The following AUTS2 variants were observed in gnomAD, a reference collection of about 807,000 sequenced individuals.
AUTS2 encodes the protein activator of transcription and developmental regulator AUTS2.
Under a neutral mutation model 112.4 loss-of-function variants are expected in AUTS2, and 17 were observed. That is an observed-to-expected ratio of 0.15 (90% confidence interval 0.10 to 0.23). AUTS2 has a LOEUF of 0.23. AUTS2 is among the 10% of genes least tolerant of loss of function. AUTS2 has a pLI of 1.00. For synonymous variants in AUTS2, 751 were observed against 702.7 expected, an observed-to-expected ratio of 1.07 and a Z score of -1.09; for missense variants, 1,510 against 1,701.6, an observed-to-expected ratio of 0.89 and a Z score of 1.98.
chr7:69,773,308 C>T (rs895817003), intron 1 of AUTS2, among the ~76,000 whole-genome samples: 1 of 151,966 alleles, frequency 6.6e-6, no homozygotes, highest in African/African-American at 2.4e-5. Flanking sequence ...CACTCAAGGC[C>T]GTTCATTCAA....
intron 2 of AUTS2, among the ~76,000 whole-genome samples, chr7:69,911,115 C>T (rs1444762856): frequency 1.3e-5 from 2 of 152,212 alleles, no homozygotes; most frequent in African/African-American, 2.4e-5. Context: ...AGTGAGTGAG[C>T]CTGGGGTATG....
intron 5 of AUTS2, among the ~76,000 whole-genome samples, chr7:70,635,483 G>A (rs540315605): frequency 2.7e-4 from 41 of 152,318 alleles, no homozygotes; most frequent in Non-Finnish European, 5.1e-4. Flanking sequence ...GGCCTTGAAG[G>A]GCTTCATCTG....
At chr7:70,112,650 A>T (rs919790085) in intron 2 of AUTS2, among the ~76,000 whole-genome samples, 1 of 152,016 alleles carries the variant, frequency 6.6e-6, no homozygotes, top group Non-Finnish European at 1.5e-5. Flanking sequence ...TGTACCTTTC[A>T]TCACTATAAA....
intron 2 of AUTS2, among the ~76,000 whole-genome samples, chr7:69,934,312 G>T (rs778626836): frequency 6.6e-5 from 10 of 152,308 alleles, no homozygotes; most frequent in Middle Eastern, 3.4e-3. Context: ...AGATCTCATA[G>T]TGGCATGTTC....
At chr7:70,554,067 GC>G (rs1801137911) in intron 5 of AUTS2, among the ~76,000 whole-genome samples, 1 of 125,702 alleles carries the variant, frequency 8.0e-6, no homozygotes, top group Admixed American at 8.5e-5. Flanking sequence ...ACTGCACCTG[GC>G]CTTTTTTTTT....
chr7:70,180,764 A>G (rs548385296), intron 4 of AUTS2, among the ~76,000 whole-genome samples: 1 of 152,180 alleles, frequency 6.6e-6, no homozygotes, highest in Non-Finnish European at 1.5e-5. Flanking sequence ...CAGGTCTAAC[A>G]TGTCCCCTTT....
At chr7:70,612,964 G>A (rs571090066) in intron 5 of AUTS2, among the ~76,000 whole-genome samples, 2 of 152,050 alleles carry the variant, frequency 1.3e-5, no homozygotes, top group Non-Finnish European at 2.9e-5. Flanking sequence ...GATTTATGTG[G>A]AGGTCTGAGC....
At chr7:69,766,118 T>C (rs1471655821) in intron 1 of AUTS2, among the ~76,000 whole-genome samples, 1 of 152,226 alleles carries the variant, frequency 6.6e-6, no homozygotes, top group Non-Finnish European at 1.5e-5. Flanking sequence ...TCTGTTCTTC[T>C]TAGCTTCCTG....
At chr7:70,406,399 G>T (rs748258637) in intron 4 of AUTS2, among the ~76,000 whole-genome samples, 1 of 152,142 alleles carries the variant, frequency 6.6e-6, no homozygotes, top group East Asian at 1.9e-4. Flanking sequence ...TGTCCCACCC[G>T]CCTGCACACA....
At chr7:70,557,877 A>G (rs1801315980) in intron 5 of AUTS2, among the ~76,000 whole-genome samples, 2 of 152,194 alleles carry the variant, frequency 1.3e-5, no homozygotes, top group Non-Finnish European at 1.5e-5. Context: ...GAGCTGGAGC[A>G]GGGGGTCTGT....
At chr7:70,757,903 G>A (rs1437627412) in intron 6 of AUTS2, among the ~76,000 whole-genome samples, 1 of 124,112 alleles carries the variant, frequency 8.1e-6, no homozygotes, top group Admixed American at 1.1e-4. Context: ...TGCACCCTCC[G>A]CCCAAGTAGC....
At chr7:70,394,656 G>A (rs1287038451) in intron 4 of AUTS2, among the ~76,000 whole-genome samples, 1 of 152,212 alleles carries the variant, frequency 6.6e-6, no homozygotes, top group Non-Finnish European at 1.5e-5. Flanking sequence ...CACTGTGGTG[G>A]GGAAGGTGGG....
chr7:69,868,143 A>G (rs1354504121), intron 1 of AUTS2, among the ~76,000 whole-genome samples: 1 of 152,180 alleles, frequency 6.6e-6, no homozygotes, highest in Non-Finnish European at 1.5e-5. Context: ...AAGACTGTGG[A>G]CAAATTATGA....
chr7:70,426,687 T>A (rs1312606450), intron 4 of AUTS2, among the ~76,000 whole-genome samples: 1 of 152,192 alleles, frequency 6.6e-6, no homozygotes, highest in African/African-American at 2.4e-5. Context: ...TAATGAGCTA[T>A]GGCACTTTTG....
chr7:69,748,244 T>G (rs779392438), intron 1 of AUTS2, among the ~76,000 whole-genome samples: 7 of 152,170 alleles, frequency 4.6e-5, no homozygotes, highest in Non-Finnish European at 1.0e-4. Flanking sequence ...CTTTCCTAGA[T>G]AAGGCATCTG....
intron 2 of AUTS2, among the ~76,000 whole-genome samples, chr7:70,068,300 C>CCTG (rs1342243410): frequency 1.3e-5 from 2 of 151,470 alleles, no homozygotes; most frequent in East Asian, 3.9e-4. Context: ...GCCTCAGCCT[C>CCTG]CTGAGTAGCT....
At chr7:69,921,843 A>T (rs375748110) in intron 2 of AUTS2, among the ~76,000 whole-genome samples, 1 of 151,894 alleles carries the variant, frequency 6.6e-6, no homozygotes, top group South Asian at 2.1e-4. Flanking sequence ...AGGCAGGCAG[A>T]TCACCTGAGG....
chr7:69,852,881 T>C (rs1792551726), intron 1 of AUTS2, among the ~76,000 whole-genome samples: 1 of 152,220 alleles, frequency 6.6e-6, no homozygotes, highest in South Asian at 2.1e-4. Flanking sequence ...TTTTGAGGCT[T>C]CCTGTTTGAC....
At chr7:70,348,496 G>A (rs1427994831) in intron 4 of AUTS2, among the ~76,000 whole-genome samples, 1 of 152,162 alleles carries the variant, frequency 6.6e-6, no homozygotes, top group Non-Finnish European at 1.5e-5. Context: ...GTGCTCAGCA[G>A]GCAGTGGCTA....
Sources: allele counts gnomAD v4.1 joint callset (sites outside exome capture counted in the v4.1 genomes callset), GRCh38; gene constraint gnomAD v4.1.1; transcripts MANE v1.5; gene names NCBI Gene and HGNC (gene_info 2026-07-23, HGNC 2026-07-21).